Variants in PRICKLE1 observed in about 807,000 individuals in gnomAD.
The protein encoded by PRICKLE1 is prickle-like protein 1.
PRICKLE1 carries 14 observed loss-of-function variants against 70.2 expected under a neutral mutation model. The ratio of observed to expected loss-of-function variants is 0.20; its 90% confidence interval spans 0.13 to 0.31. The LOEUF (loss-of-function observed/expected upper bound fraction) is 0.31. PRICKLE1 is among the 10% of genes least tolerant of loss of function. The pLI is 1.00. For missense variants in PRICKLE1, 821 were observed against 1,026.2 expected, an observed-to-expected ratio of 0.80 and a Z score of 2.73; for synonymous variants, 357 against 379.9, an observed-to-expected ratio of 0.94 and a Z score of 0.70.
chr12:42,532,920 G>A (rs1369945099), intron 1 of PRICKLE1, among the ~76,000 whole-genome samples: 2 of 150,324 alleles, frequency 1.3e-5, no homozygotes, highest in African/African-American at 4.9e-5. Context: ...AATTGTGTTT[G>A]GAATCTGGTG....
At chr12:42,502,239 A>C (rs115086046) in intron 1 of PRICKLE1, among the ~76,000 whole-genome samples, 3,771 of 150,542 alleles carry the variant, frequency 0.025, 119 homozygotes, top group East Asian at 0.12. Context: ...ATATACCTCT[A>C]TATATATACA....
chr12:42,466,825 A>G (rs1016614765), intron 5 of PRICKLE1, among the ~76,000 whole-genome samples: 1 of 152,004 alleles, frequency 6.6e-6, no homozygotes, highest in East Asian at 1.9e-4. Context: ...AATTGAGTGA[A>G]CAGCATTTGT....
intron 1 of PRICKLE1, among the ~76,000 whole-genome samples, chr12:42,536,397 C>G (rs971299425): frequency 2.0e-5 from 3 of 152,172 alleles, no homozygotes; most frequent in Admixed American, 6.5e-5. Context: ...TTCACCACCC[C>G]TAGATCCTCC....
chr12:42,521,604 G>GT lies in PRICKLE1; in HGVS notation c.-48-49041dup, dbSNP rs1939709595. ...AGTCCCAGCTACTCTGGAGGCTGAG[G>GT]TCGGGGGGATCGCTTAAGCCTGCTA... is the stretch of plus-strand genomic sequence containing the variant. On this transcript the variant is annotated intron_variant, in intron 1 of 7. Transcript: ENST00000345127. Among the ~76,000 whole-genome samples, 5 of 152,166 alleles carry GT rather than the reference G, an allele frequency of 3.3e-5. No individual in the cohort carries two copies. In the South Asian group the frequency reaches 6.2e-4, roughly 19 times the overall value.
At chr12:42,549,473 T>G (rs1282082676) in intron 1 of PRICKLE1, among the ~76,000 whole-genome samples, 2 of 152,192 alleles carry the variant, frequency 1.3e-5, no homozygotes, top group African/African-American at 4.8e-5. Context: ...CAAAGCCACA[T>G]CTTTCCTTTA....
intron 1 of PRICKLE1, chr12:42,525,143 T>C (rs1939779952): frequency 6.6e-6 from 1 of 152,124 alleles, no homozygotes; most frequent in Admixed American, 6.5e-5. Context: ...ATTTAATCAA[T>C]CATACCTACA....
At chr12:42,517,268 G>T (rs1939626636) in intron 1 of PRICKLE1, among the ~76,000 whole-genome samples, 1 of 146,580 alleles carries the variant, frequency 6.8e-6, no homozygotes, top group Non-Finnish European at 1.5e-5. Context: ...ATGAAATTTT[G>T]CAAGGGGACA....
At chr12:42,475,559 C>G (rs1938490264) in intron 1 of PRICKLE1, among the ~76,000 whole-genome samples, 1 of 152,032 alleles carries the variant, frequency 6.6e-6, no homozygotes, top group Non-Finnish European at 1.5e-5. Flanking sequence ...GTGAATCAGC[C>G]AAGCTACCTG....
chr12:42,559,639 G>T lies in PRICKLE1; in HGVS notation c.-49+29826C>A, dbSNP rs1352823585. On this transcript the variant is annotated intron_variant, in intron 1 of 7. Transcript: ENST00000345127. ...ATATATATATATTTTTTTTTTTTGGGGGGGGTAGAGATGGGGGCCTCATTA... is the reference window on the plus strand; with the variant it reads ...ATATATATATATTTTTTTTTTTTGGTGGGGGTAGAGATGGGGGCCTCATTA... 1.0e-4 allele frequency among the ~76,000 whole-genome samples: 9 copies of T among 86,120 alleles called. 1 individual carries two copies. The highest frequency in any genetic ancestry group is 4.3e-4 in the South Asian group (1 of 2,342). 56.5% of individuals were successfully genotyped at this position (86,120 alleles called of 152,430 possible).
intron 1 of PRICKLE1, among the ~76,000 whole-genome samples, chr12:42,491,468 G>A (rs533705670): frequency 4.1e-4 from 63 of 151,850 alleles, no homozygotes; most frequent in African/African-American, 1.4e-3. Flanking sequence ...CAGGAGAATC[G>A]CTTGAACCTG....
At chr12:42,475,289 G>C (rs1938478473) in intron 1 of PRICKLE1, among the ~76,000 whole-genome samples, 1 of 152,162 alleles carries the variant, frequency 6.6e-6, no homozygotes, top group Non-Finnish European at 1.5e-5. Context: ...TCATTTTTTA[G>C]CAGATGGCTA....
rs1424425413 is a variant in PRICKLE1, at chr12:42,474,000, G to A, written c.-48-1436C>T. On this transcript the variant is annotated intron_variant, in intron 1 of 7. Transcript: ENST00000345127. ...TAAAACCTTTGATTATTGGCCGGGC[G>A]TGGTAGCTCACACCTGTAATCCCAG... 3.3e-5 allele frequency among the ~76,000 whole-genome samples: 5 copies of A among 152,184 alleles called. No homozygotes were observed. In the East Asian group the frequency reaches 7.7e-4, roughly 23 times the overall value.
chr12:42,463,446 G>A (rs979283145), intron 7 of PRICKLE1, among the ~76,000 whole-genome samples: 5 of 152,092 alleles, frequency 3.3e-5, no homozygotes, highest in South Asian at 4.1e-4. Flanking sequence ...GTGGCCAGGC[G>A]TGGTGGCTCA....
intron 1 of PRICKLE1, chr12:42,484,115 C>G (rs897643420): frequency 6.6e-6 from 1 of 150,732 alleles, no homozygotes; most frequent in African/African-American, 2.4e-5. Flanking sequence ...CCGCTCCCGC[C>G]CGCGGGCGGC....
chr12:42,581,222 A>T (rs1312103002), intron 1 of PRICKLE1, among the ~76,000 whole-genome samples: 2 of 152,226 alleles, frequency 1.3e-5, no homozygotes, highest in South Asian at 4.1e-4. Context: ...ATCTAGTCTA[A>T]TTCCCTCATT....
At chr12:42,546,211 C>A (rs139385628) in intron 1 of PRICKLE1, among the ~76,000 whole-genome samples, 249 of 152,216 alleles carry the variant, frequency 1.6e-3, no homozygotes, top group African/African-American at 5.6e-3. Flanking sequence ...ACTCCCACCT[C>A]ATTAATATGT....
At chr12:42,472,356 G>C (rs1442925704) in intron 2 of PRICKLE1, 29 bp downstream of exon 2, 2 of 1,613,436 alleles carry the variant, frequency 1.2e-6, no homozygotes, top group African/African-American at 1.3e-5. Flanking sequence ...GAAAAACAAA[G>C]AGTAAATATA....
At chr12:42,502,389 C>A (rs1342920443) in intron 1 of PRICKLE1, among the ~76,000 whole-genome samples, 1 of 151,670 alleles carries the variant, frequency 6.6e-6, no homozygotes, top group Non-Finnish European at 1.5e-5. Context: ...CTCACTGCAG[C>A]CTCAAACTCC....
chr12:42,472,815 A>T (rs941403713), intron 1 of PRICKLE1, among the ~76,000 whole-genome samples: 32 of 152,152 alleles, frequency 2.1e-4, no homozygotes, highest in African/African-American at 7.5e-4. Flanking sequence ...TATTTCCAGG[A>T]GCCTTTAAAA....
Sources: allele counts gnomAD v4.1 joint callset (sites outside exome capture counted in the v4.1 genomes callset), GRCh38; gene constraint gnomAD v4.1.1; transcripts MANE v1.5; gene names NCBI Gene and HGNC (gene_info 2026-07-23, HGNC 2026-07-21).